Variants in THSD7B observed in about 807,000 individuals in gnomAD.
THSD7B encodes thrombospondin type-1 domain-containing protein 7B.
A neutral mutation model predicts 213.6 loss-of-function variants in THSD7B; 138 were observed. That is an observed-to-expected ratio of 0.65 (90% CI 0.56 to 0.74). The LOEUF is 0.74. Ranked by LOEUF, THSD7B falls within the 30% of genes least tolerant of loss-of-function variation. The probability of loss-of-function intolerance (pLI) is 0.00; values close to 1 mark genes in which losing one functional copy is unlikely to be tolerated. For synonymous variants in THSD7B, 742 were observed against 687.0 expected (o/e 1.08, Z -1.25); for missense variants, 1,931 against 1,991.5 (o/e 0.97, Z 0.58).
intron 20 of THSD7B, among the ~76,000 whole-genome samples, chr2:137,625,335 G>T (rs1287668521): frequency 9.8e-6 from 1 of 101,954 alleles, no homozygotes; most frequent in South Asian, 4.2e-4. Flanking sequence ...TGGGGTGGGG[G>T]GAGGGGGGAG....
chr2:137,249,692 C>T (rs1682125363), intron 10 of THSD7B, among the ~76,000 whole-genome samples: 1 of 152,180 alleles, frequency 6.6e-6, no homozygotes, highest in African/African-American at 2.4e-5. Flanking sequence ...GAAGTAACTG[C>T]TCCGAGGTTA....
chr2:137,654,462 G>A (rs1267449431), intron 21 of THSD7B, among the ~76,000 whole-genome samples: 1 of 152,202 alleles, frequency 6.6e-6, no homozygotes, highest in African/African-American at 2.4e-5. Flanking sequence ...TGCTTCCGGT[G>A]GGTTGAGGCA....
intron 26 of THSD7B, among the ~76,000 whole-genome samples, chr2:137,663,949 T>C (rs1378426405): frequency 1.3e-5 from 2 of 152,094 alleles, no homozygotes; most frequent in Non-Finnish European, 2.9e-5. Flanking sequence ...CCTCCCAGGT[T>C]CAAGCGATTC....
intron 7 of THSD7B, among the ~76,000 whole-genome samples, chr2:137,221,027 G>A (rs2105044367): frequency 6.6e-6 from 1 of 152,248 alleles, no homozygotes; most frequent in East Asian, 1.9e-4. Context: ...CGAAAAGTTA[G>A]AACTGGCTCA....
rs1684007187 is a variant in THSD7B, at chr2:136,898,588, C to CGT, written c.139+16271_139+16272insGT. On this transcript the variant is annotated intron_variant, in intron 2 of 27. Coordinates refer to ENST00000409968, the MANE Select transcript of THSD7B (RefSeq NM_001316349.2). ...CTCCCCTTGTCCCCCCGCCCCCCCGCCAAAAGAGCTCACAGTATGTTAAAA... is the reference window on the plus strand; with the variant it reads ...CTCCCCTTGTCCCCCCGCCCCCCCGCGTCAAAAGAGCTCACAGTATGTTAAAA... Among the ~76,000 whole-genome samples the CGT allele has an allele frequency of 1.2e-4, 17 of 143,916 alleles. No homozygotes were observed. In the South Asian group the frequency reaches 4.0e-3, roughly 34 times the overall value. 94.4% of individuals were successfully genotyped at this position (143,916 alleles called of 152,430 possible).
intron 12 of THSD7B, among the ~76,000 whole-genome samples, chr2:137,312,468 C>T (rs1448377394): frequency 1.3e-5 from 2 of 148,726 alleles, no homozygotes; most frequent in East Asian, 1.9e-4. Context: ...CTCCTGGATT[C>T]GTTAATTTTT....
intron 3 of THSD7B, among the ~76,000 whole-genome samples, chr2:137,078,423 C>A (rs891195440): frequency 6.6e-6 from 1 of 152,178 alleles, no homozygotes; most frequent in South Asian, 2.1e-4. Flanking sequence ...TTTTCAAATT[C>A]ATTTGCATAG....
chr2:137,229,524 G>C (rs1681591244), intron 7 of THSD7B, among the ~76,000 whole-genome samples: 1 of 152,148 alleles, frequency 6.6e-6, no homozygotes. Flanking sequence ...CAATGAGCCT[G>C]GCCTCATTTA....
intron 15 of THSD7B, among the ~76,000 whole-genome samples, chr2:137,528,743 C>T (rs145754651): frequency 2.0e-5 from 3 of 152,126 alleles, no homozygotes; most frequent in East Asian, 1.9e-4. Context: ...ATCAGAATCA[C>T]TAGAGATGTT....
chr2:137,367,282 A>G (rs1573987399), intron 12 of THSD7B, among the ~76,000 whole-genome samples: 2 of 152,134 alleles, frequency 1.3e-5, no homozygotes, highest in African/African-American at 2.4e-5. Context: ...AGCATGGGCA[A>G]GTCACCCTAA....
At chr2:137,501,738 T>G (rs1679711069) in intron 15 of THSD7B, among the ~76,000 whole-genome samples, 1 of 152,178 alleles carries the variant, frequency 6.6e-6, no homozygotes, top group Non-Finnish European at 1.5e-5. Context: ...CTCAAGAAAA[T>G]TGCCTATGAT....
chr2:137,494,926 C>T (rs1169022394), intron 15 of THSD7B, among the ~76,000 whole-genome samples: 1 of 152,164 alleles, frequency 6.6e-6, no homozygotes, highest in Admixed American at 6.5e-5. Flanking sequence ...CTTTAATACC[C>T]ATATTTTGTA....
intron 12 of THSD7B, among the ~76,000 whole-genome samples, chr2:137,392,403 T>C (rs1391526098): frequency 6.6e-6 from 1 of 152,176 alleles, no homozygotes; most frequent in Non-Finnish European, 1.5e-5. Context: ...GTTCTAGTAA[T>C]ATTTATTTTA....
intron 15 of THSD7B, among the ~76,000 whole-genome samples, chr2:137,494,287 A>G (rs1679508911): frequency 6.6e-6 from 1 of 152,200 alleles, no homozygotes; most frequent in Admixed American, 6.5e-5. Context: ...TTTATAAATG[A>G]GAGTACAGTA....
At chr2:136,956,939 A>G (rs1401455441) in intron 2 of THSD7B, among the ~76,000 whole-genome samples, 1 of 151,986 alleles carries the variant, frequency 6.6e-6, no homozygotes, top group Non-Finnish European at 1.5e-5. Context: ...CAGCCTCCCA[A>G]AGTGCTGGTA....
chr2:137,020,706 GC>G (rs1409904526), intron 2 of THSD7B, among the ~76,000 whole-genome samples: 1 of 152,122 alleles, frequency 6.6e-6, no homozygotes, highest in Admixed American at 6.5e-5. Flanking sequence ...CCTTCGCTTT[GC>G]CCCGGGATTG....
At chr2:137,208,386 C>G (rs1268901009) in intron 7 of THSD7B, among the ~76,000 whole-genome samples, 1 of 151,982 alleles carries the variant, frequency 6.6e-6, no homozygotes, top group African/African-American at 2.4e-5. Flanking sequence ...GGAATTTCTT[C>G]AGACCCACAG....
At chr2:137,164,104 A>C (rs1680072302) in intron 6 of THSD7B, among the ~76,000 whole-genome samples, 2 of 152,090 alleles carry the variant, frequency 1.3e-5, no homozygotes, top group African/African-American at 4.8e-5. Context: ...GGGGCATGGG[A>C]TGTATCTAGT....
chr2:137,045,748 A>G (rs1686957600), intron 2 of THSD7B, among the ~76,000 whole-genome samples: 1 of 152,202 alleles, frequency 6.6e-6, no homozygotes, highest in South Asian at 2.1e-4. Flanking sequence ...GTTTTTCTGT[A>G]GTCTTGGGTG....
Sources: allele counts gnomAD v4.1 joint callset (sites outside exome capture counted in the v4.1 genomes callset), GRCh38; gene constraint gnomAD v4.1.1; transcripts MANE v1.5; gene names NCBI Gene and HGNC (gene_info 2026-07-23, HGNC 2026-07-21).